Variants in CTR9 observed in about 807,000 individuals in gnomAD.
The protein encoded by CTR9 is RNA polymerase-associated protein CTR9 homolog.
CTR9 carries 41 observed loss-of-function variants against 152.1 expected under a neutral mutation model. The observed-to-expected ratio is 0.27, with a 90% CI of 0.21 to 0.35. The LOEUF (loss-of-function observed/expected upper bound fraction) is 0.35, where lower values mean the gene tolerates loss of function less well. Among genes scored for constraint, CTR9 ranks in the 10% least tolerant of loss-of-function variants. CTR9 has a pLI of 1.00. For missense variants in CTR9, 917 were observed against 1,424.4 expected (o/e 0.64, Z 5.73); for synonymous variants, 476 against 496.2 (o/e 0.96, Z 0.54).
rs763245659 is a variant in CTR9, at chr11:10,778,988, G to C, written c.3405G>C (p.Glu1135Asp). 6.2e-7 allele frequency: 1 copy of C among 1,614,190 alleles called. No individual in the cohort carries two copies. Among genetic ancestry groups the C allele is most frequent in the Non-Finnish European group, 8.5e-7 (1 of 1,180,034 alleles). The change falls in exon 25 of 25, where the codon GAG (glutamate) becomes GAC (aspartate). Residue 1135 changes from glutamate (E) to aspartate (D), a missense_variant. Glu to Asp is a conservative substitution (Grantham distance 45). Transcript: ENST00000361367. The part of the protein sequence containing the change: ...SPSAESDHES[E>D]RGSDNEGSGQ... ...GTGCCGAATCAGATCACGAATCGGAGAGAGGATCTGATAATGAGGGTTCTG... is the reference window on the plus strand; with the variant it reads ...GTGCCGAATCAGATCACGAATCGGACAGAGGATCTGATAATGAGGGTTCTG...
Position 10,751,302 on chromosome 11 carries a change from G to C in CTR9, c.-111G>C. 2 of 1,140,636 alleles carry C rather than the reference G, an allele frequency of 1.8e-6. No homozygotes were observed. Among genetic ancestry groups the C allele is most frequent in the Middle Eastern group, 2.9e-4 (1 of 3,452 alleles). 70.7% of individuals were successfully genotyped at this position (1,140,636 alleles called of 1,614,324 possible). ...CAGAGCTCCAGCGGCGCCGCGGGGCGGCAGTCAAGACCAGAGCCGGAGCCG... is the reference window on the plus strand; with the variant it reads ...CAGAGCTCCAGCGGCGCCGCGGGGCCGCAGTCAAGACCAGAGCCGGAGCCG... On this transcript the variant is annotated 5_prime_UTR_variant, in exon 1 of 25. Transcript: ENST00000361367.
At chr11:10,758,514 T>A (rs2135360666) in intron 5 of CTR9, among the ~76,000 whole-genome samples, 1 of 152,306 alleles carries the variant, frequency 6.6e-6, no homozygotes, top group African/African-American at 2.4e-5. Context: ...ATTGGAAAAG[T>A]AGAGTTATAT....
chr11:10,761,825 T>C, intron 6 of CTR9, 122 bp from the exon 7 acceptor site: 3 of 532,026 alleles, frequency 5.6e-6, no homozygotes, highest in Non-Finnish European at 1.0e-5. Context: ...AAGAAGCTTC[T>C]AATCCGTTTT....
chr11:10,758,966 G>A (rs1862930830), intron 5 of CTR9, among the ~76,000 whole-genome samples: 1 of 152,062 alleles, frequency 6.6e-6, no homozygotes, highest in Non-Finnish European at 1.5e-5. Context: ...TACTTTTCTG[G>A]TGGCCATTCT....
chr11:10,762,937 C>T lies in CTR9; in HGVS notation c.850-494C>T, dbSNP rs146839280. ...GGAGGATCACTTGAGCCTGGGAGGT[C>T]GAGGCTGCAGTGGTGAGCCATGATG... On this transcript the variant is annotated intron_variant, in intron 7 of 24. Transcript: ENST00000361367. Among the ~76,000 whole-genome samples, 1,144 of 150,276 alleles carry T rather than the reference C, an allele frequency of 7.6e-3. 18 individuals are homozygous for T. The highest frequency in any genetic ancestry group is 0.027 in the African/African-American group (1,091 of 40,858).
rs773714079 is a variant in CTR9, at chr11:10,775,197, A to T, written c.2886-10A>T. The T allele has an allele frequency of 6.2e-7, 1 of 1,608,324 alleles. No homozygotes were observed. The highest frequency in any genetic ancestry group is 2.2e-5 in the East Asian group (1 of 44,838). Reference sequence around the variant, plus strand: ...CTTGACAAACTCTCTCTTGGTGTTCACTATTTAAGACATCCAAAGGGAGAA... The same window carrying T: ...CTTGACAAACTCTCTCTTGGTGTTCTCTATTTAAGACATCCAAAGGGAGAA... On this transcript the variant is annotated splice_polypyrimidine_tract_variant and intron_variant, in intron 22 of 24. Coordinates refer to ENST00000361367, the MANE Select transcript of CTR9 (RefSeq NM_014633.5).
chr11:10,774,703 G>A (rs1415552380), intron 22 of CTR9, among the ~76,000 whole-genome samples: 2 of 152,116 alleles, frequency 1.3e-5, no homozygotes, highest in Non-Finnish European at 2.9e-5. Context: ...CTCTTGTTGT[G>A]CTATCCTGTC....
At chr11:10,776,208 C>G (rs1429868755) in intron 24 of CTR9, among the ~76,000 whole-genome samples, 2 of 152,208 alleles carry the variant, frequency 1.3e-5, no homozygotes, top group African/African-American at 2.4e-5. Context: ...GCCTCAGTCT[C>G]CCAAGTAGCT....
chr11:10,765,041 CCTT>C (rs954348033), intron 12 of CTR9, among the ~76,000 whole-genome samples: 34 of 152,188 alleles, frequency 2.2e-4, no homozygotes, highest in African/African-American at 7.7e-4. Flanking sequence ...TTTGAAACAT[CCTT>C]CTTTGATTTC....
intron 12 of CTR9, 77 bp downstream of exon 12, chr11:10,764,808 AT>A: frequency 7.6e-7 from 1 of 1,313,466 alleles, no homozygotes; most frequent in Non-Finnish European, 1.0e-6. Flanking sequence ...CCTGAAAAAA[AT>A]TTAGAATTGA....
At chr11:10,770,119 G>C (rs1863119870) in intron 16 of CTR9, 91 bp from the exon 17 acceptor site, 1 of 858,562 alleles carries the variant, frequency 1.2e-6, no homozygotes, top group African/African-American at 1.7e-5. Flanking sequence ...CCTTTTTACA[G>C]AGCTTTAAAA....
At position 10,755,665 on chromosome 11, in the gene CTR9, C is replaced by T. The variant is rs747431941; in HGVS notation, c.385-13C>T. ...TATAGGGGTAAAATCTAAGATAATA[C>T]ATTACTTCATAGAACCATTTGTTGG... On this transcript the variant is annotated splice_polypyrimidine_tract_variant and intron_variant, in intron 3 of 24. Coordinates refer to ENST00000361367, the MANE Select transcript of CTR9 (RefSeq NM_014633.5). The T allele has an allele frequency of 4.3e-5, 66 of 1,542,640 alleles. No homozygotes were observed. In the Admixed American group the frequency reaches 1.1e-3, roughly 26 times the overall value.
chr11:10,778,718 G>A lies in CTR9; in HGVS notation c.3135G>A (p.Glu1045=), dbSNP rs752486357. The part of the protein sequence containing the change: ...RNSNSNSDSD[E]DEQRKKCASS... ...GCAACAGCAACAGTGACTCAGACGA[G>A]GACGAACAACGAAAGAAATGTGCCT... The change falls in exon 25 of 25, where the codon GAG becomes GAA. Residue 1045 remains glutamate, a synonymous_variant. Transcript: ENST00000361367. The A allele has an allele frequency of 5.0e-6, 8 of 1,613,980 alleles. No individual in the cohort carries two copies. Among genetic ancestry groups the A allele is most frequent in the Non-Finnish European group, 6.8e-6 (8 of 1,179,916 alleles).
chr11:10,778,619 C>A, intron 24 of CTR9, 60 bp from the exon 25 acceptor site: 1 of 1,499,248 alleles, frequency 6.7e-7, no homozygotes, highest in Non-Finnish European at 9.1e-7. Context: ...ACATTGTCTG[C>A]TCATCAAGGC....
At chr11:10,774,293 C>A (rs906115220) in intron 22 of CTR9, 124 bp downstream of exon 22, 3 of 1,191,932 alleles carry the variant, frequency 2.5e-6, no homozygotes, top group African/African-American at 3.1e-5. Context: ...CTTTTTGTGC[C>A]CCCACTTCCT....
Position 10,772,602 on chromosome 11 carries a change from G to A in CTR9, c.2527G>A (p.Ala843Thr), listed in dbSNP as rs915403528. 1 of 1,611,590 alleles carries A rather than the reference G, an allele frequency of 6.2e-7. No individual in the cohort carries two copies. Among genetic ancestry groups the A allele is most frequent in the Non-Finnish European group, 8.5e-7 (1 of 1,178,850 alleles). Residue 843 changes from alanine (A) to threonine (T), a missense_variant, in exon 20 of 25, where the codon GCC (alanine) becomes ACC (threonine). By Grantham distance (58) the Ala-to-Thr change is moderately conservative. Coordinates refer to ENST00000361367, the MANE Select transcript of CTR9 (RefSeq NM_014633.5). ...KQDEEERELRAKQEQEKELLR... is the reference protein window; with the variant it reads ...KQDEEERELRTKQEQEKELLR... ...AGATGAAGAAGAGCGGGAGCTGCGGGCCAAGCAAGAGCAAGAAAAGGAGCT... is the reference window on the plus strand; with the variant it reads ...AGATGAAGAAGAGCGGGAGCTGCGGACCAAGCAAGAGCAAGAAAAGGAGCT...
chr11:10,759,628 T>C (rs901080658), intron 5 of CTR9, among the ~76,000 whole-genome samples: 1 of 152,002 alleles, frequency 6.6e-6, no homozygotes, highest in Non-Finnish European at 1.5e-5. Context: ...GAATGAATGA[T>C]CCAGTAGAGA....
At chr11:10,773,333 A>T (rs1863174681) in intron 21 of CTR9, 60 bp downstream of exon 21, 1 of 1,579,186 alleles carries the variant, frequency 6.3e-7, no homozygotes, top group Non-Finnish European at 8.6e-7. Flanking sequence ...GCTTTGAGAA[A>T]TGAGGATAAT....
chr11:10,758,071 G>A (rs917826573), intron 5 of CTR9, among the ~76,000 whole-genome samples: 1 of 152,194 alleles, frequency 6.6e-6, no homozygotes, highest in Admixed American at 6.5e-5. Flanking sequence ...CTGGAATAGA[G>A]AGAGAAAGAG....
Sources: allele counts gnomAD v4.1 joint callset (sites outside exome capture counted in the v4.1 genomes callset), GRCh38; gene constraint gnomAD v4.1.1; transcripts MANE v1.5; gene names NCBI Gene and HGNC (gene_info 2026-07-23, HGNC 2026-07-21).